CASK: variants seen among roughly 807,000 people sequenced by gnomAD.
CASK encodes the protein peripheral plasma membrane protein CASK.
Under a neutral mutation model 82.9 loss-of-function variants are expected in CASK, and 4 were observed. The observed-to-expected ratio is 0.05, with a 90% confidence interval of 0.02 to 0.11. CASK has a LOEUF of 0.11. CASK is among the 10% of genes least tolerant of loss of function. CASK has a pLI of 1.00. For missense variants in CASK, 358 were observed against 720.9 expected (o/e 0.50, Z 5.76); for synonymous variants, 259 against 253.5 (o/e 1.02, Z -0.20).
chrX:41,613,546 G>A lies in CASK; in HGVS notation c.1034-3521C>T, dbSNP rs1205598647. On this transcript the variant is annotated intron_variant, in intron 11 of 26. Coordinates refer to ENST00000378163, the MANE Select transcript of CASK (RefSeq NM_001367721.1). Reference sequence around the variant, plus strand: ...GAAAACCAGAGACCTTTGTTCACTTGTTTATCTGCTGACCTTCCCTCCACT... The same window carrying A: ...GAAAACCAGAGACCTTTGTTCACTTATTTATCTGCTGACCTTCCCTCCACT... Among the ~76,000 whole-genome samples, 14 of 89,771 alleles carry A rather than the reference G, an allele frequency of 1.6e-4. 1 individual carries two copies. The highest frequency in any genetic ancestry group is 2.4e-4 in the Non-Finnish European group (11 of 46,076). The allele number at this position is 89,771 out of a possible 115,157, so 78.0% of individuals were successfully genotyped here.
chrX:41,878,395 G>A (rs1391753029), intron 1 of CASK, among the ~76,000 whole-genome samples: 1 of 111,412 alleles, frequency 9.0e-6, no homozygotes, highest in Non-Finnish European at 1.9e-5. Flanking sequence ...CTCAACAGAA[G>A]TGTTCTTTTT....
At chrX:41,898,742 C>T (rs754320695) in intron 1 of CASK, among the ~76,000 whole-genome samples, 4 of 111,421 alleles carry the variant, frequency 3.6e-5, no homozygotes, top group South Asian at 3.7e-4. Context: ...AGGAATTTTC[C>T]GTTTTCTTTT....
rs769529438 is a variant in CASK, at chrX:41,729,060, G to C, written c.429+10324C>G. 3 of 123,315 alleles carry C rather than the reference G, an allele frequency of 2.4e-5. No individual in the cohort carries two copies. The East Asian group carries it at 8.4e-4, about 35-fold the overall frequency. 10.2% of individuals were successfully genotyped at this position (123,315 alleles called of 1,213,427 possible). A position where few individuals can be genotyped will look rare whatever the true frequency, so the allele number is the denominator to read the frequency against. ...GTATTCAATATAAATAATGTTATTAGTGACAAACAGTACCTGGCAGTTAAT... is the reference window on the plus strand; with the variant it reads ...GTATTCAATATAAATAATGTTATTACTGACAAACAGTACCTGGCAGTTAAT... On this transcript the variant is annotated intron_variant, in intron 5 of 26. Coordinates refer to ENST00000378163, the MANE Select transcript of CASK (RefSeq NM_001367721.1).
At chrX:41,557,917 T>C (rs1359411297) in intron 18 of CASK, among the ~76,000 whole-genome samples, 1 of 111,768 alleles carries the variant, frequency 8.9e-6, no homozygotes, top group Non-Finnish European at 1.9e-5. Context: ...AGAGTTCTTT[T>C]AAGCCTTAGA....
chrX:41,689,693 A>G (rs1448881909), intron 5 of CASK: 1 of 111,952 alleles, frequency 8.9e-6, no homozygotes, highest in Admixed American at 9.5e-5. Context: ...CACACTATTA[A>G]TAGTATTATT....
At chrX:41,758,199 C>T (rs1480740718) in intron 3 of CASK, among the ~76,000 whole-genome samples, 3 of 111,049 alleles carry the variant, frequency 2.7e-5, no homozygotes, top group African/African-American at 9.8e-5. Context: ...CTTTGGGAGG[C>T]CCAGGCGGGC....
intron 5 of CASK, among the ~76,000 whole-genome samples, chrX:41,737,331 A>C (rs188425840): frequency 1.1e-3 from 122 of 112,229 alleles, no homozygotes; most frequent in African/African-American, 3.8e-3. Context: ...AACAGAATTG[A>C]GCAGTCCTAT....
chrX:41,760,865 T>A (rs1037850011), intron 3 of CASK, among the ~76,000 whole-genome samples: 1 of 111,859 alleles, frequency 8.9e-6, no homozygotes, highest in East Asian at 2.8e-4. Flanking sequence ...CACTTTTTTT[T>A]AAGTTTCTTA....
chrX:41,765,356 T>G, intron 3 of CASK, among the ~76,000 whole-genome samples: 1 of 112,297 alleles, frequency 8.9e-6, no homozygotes. Flanking sequence ...CCTACAACCC[T>G]CAGACAGTGC....
chrX:41,645,552 G>T (rs982401827), intron 8 of CASK, among the ~76,000 whole-genome samples: 44 of 111,128 alleles, frequency 4.0e-4, no homozygotes, highest in African/African-American at 1.4e-3. Flanking sequence ...ACTGCCTTCA[G>T]ATATGATGAG....
chrX:41,833,689 G>T (rs1050080566), intron 2 of CASK, among the ~76,000 whole-genome samples: 1 of 111,760 alleles, frequency 8.9e-6, no homozygotes, highest in African/African-American at 3.3e-5. Context: ...GGGAATAGAT[G>T]GAGTTCTGTT....
intron 24 of CASK, 57 bp from the exon 25 acceptor site, chrX:41,531,266 C>T (rs2064799785): frequency 2.2e-6 from 2 of 908,892 alleles, no homozygotes; most frequent in African/African-American, 1.9e-5. Flanking sequence ...GCTTACTACA[C>T]TCCCAACAGA....
intron 1 of CASK, among the ~76,000 whole-genome samples, chrX:41,862,398 AGGCATGGTGGTGCATGCC>A (rs1320727808): frequency 1.8e-5 from 2 of 109,585 alleles, no homozygotes; most frequent in Admixed American, 1.9e-4. Flanking sequence ...AAAATTAGCC[AGGCATGGTGGTGCATGCC>A]TGTAATCCCG....
intron 3 of CASK, among the ~76,000 whole-genome samples, chrX:41,748,888 C>T (rs1481312162): frequency 1.1e-4 from 12 of 112,243 alleles, no homozygotes; most frequent in Admixed American, 1.0e-3. Context: ...AATACTGGTA[C>T]TTGAAATGAC....
intron 5 of CASK, among the ~76,000 whole-genome samples, chrX:41,706,012 T>C (rs2067880274): frequency 9.0e-6 from 1 of 111,653 alleles, no homozygotes; most frequent in Non-Finnish European, 1.9e-5. Context: ...CACAATTTGG[T>C]GCCCTCTTCT....
intron 13 of CASK, chrX:41,587,283 C>T (rs974005921): frequency 9.5e-5 from 17 of 179,252 alleles, no homozygotes; most frequent in African/African-American, 4.0e-4. Flanking sequence ...TGAAACTTAA[C>T]GGAAGAGTAT....
Position 41,660,177 on chromosome X carries a change from G to A in CASK, c.831+262C>T, listed in dbSNP as rs766310663. 187 of 420,181 alleles carry A rather than the reference G, an allele frequency of 4.5e-4. 1 individual carries two copies. Among genetic ancestry groups the A allele is most frequent in the South Asian group, 5.7e-4 (14 of 24,493 alleles). 34.6% of individuals were successfully genotyped at this position (420,181 alleles called of 1,213,427 possible). ...CATATCTTTGGAACACATGTTGGCA[G>A]AGAAAAAAGAGGCCTTCCCCTGATA... On this transcript the variant is annotated intron_variant, in intron 8 of 26. Coordinates refer to ENST00000378163, the MANE Select transcript of CASK (RefSeq NM_001367721.1).
chrX:41,551,356 T>C (rs1322772674), intron 21 of CASK, among the ~76,000 whole-genome samples: 1 of 111,464 alleles, frequency 9.0e-6, no homozygotes, highest in African/African-American at 3.3e-5. Context: ...TCTATAGTCC[T>C]CCGGTGTTGA....
chrX:41,520,397 T>A lies in CASK; in HGVS notation c.*23A>T. 8.5e-7 allele frequency: 1 copy of A among 1,174,067 alleles called. No homozygotes were observed. Among genetic ancestry groups the A allele is most frequent in the Non-Finnish European group, 1.2e-6 (1 of 863,722 alleles). On this transcript the variant is annotated 3_prime_UTR_variant, in exon 27 of 27. Transcript: ENST00000378163. ...TCCACAAATGAGGTGCTCCCAGTTA[T>A]GCTCAGATATCTGGGGAGAGGCCTA... is the stretch of plus-strand genomic sequence containing the variant.
Sources: gnomAD v4.1 joint callset for allele counts (sites outside exome capture counted in the v4.1 genomes callset) on GRCh38, gnomAD v4.1.1 for gene constraint, MANE v1.5 for transcripts, NCBI Gene and HGNC (gene_info 2026-07-23, HGNC 2026-07-21) for gene names.